GRIK3: variants seen among roughly 807,000 people sequenced by gnomAD.
GRIK3 encodes glutamate ionotropic receptor kainate type subunit 3, also known as glutamate receptor ionotropic, kainate 3.
Under a neutral mutation model 102.5 loss-of-function variants are expected in GRIK3, and 29 were observed. The observed-to-expected ratio is 0.28, with a 90% CI of 0.21 to 0.39. GRIK3 has a LOEUF of 0.39. GRIK3 is among the 10% of genes least tolerant of loss of function. The probability of loss-of-function intolerance (pLI) is 1.00; values close to 1 mark genes in which losing one functional copy is unlikely to be tolerated. For missense variants in GRIK3, 908 were observed against 1,252.4 expected, an observed-to-expected ratio of 0.73 and a Z score of 4.15; for synonymous variants, 511 against 504.9, an observed-to-expected ratio of 1.01 and a Z score of -0.16.
At chr1:36,873,431 T>C (rs1316171250) in intron 3 of GRIK3, among the ~76,000 whole-genome samples, 1 of 152,184 alleles carries the variant, frequency 6.6e-6, no homozygotes, top group Non-Finnish European at 1.5e-5. Context: ...GGTCCATTTT[T>C]GCTGACTTCT....
intron 5 of GRIK3, among the ~76,000 whole-genome samples, chr1:36,861,211 G>A (rs1178236720): frequency 1.5e-4 from 23 of 152,136 alleles, no homozygotes; most frequent in Admixed American, 1.1e-3. Context: ...CATCTCTGAC[G>A]CATGTTCCTT....
chr1:36,961,430 A>C lies in GRIK3; in HGVS notation c.116-70334T>G, dbSNP rs569642118. Among the ~76,000 whole-genome samples the C allele has an allele frequency of 2.6e-5, 4 of 152,326 alleles. No homozygotes were observed. In the South Asian group the frequency reaches 8.3e-4, roughly 32 times the overall value. The stretch of plus-strand genomic sequence containing the variant: ...AAAAAGCAGAAGAGAGAGGACGAGG[A>C]CAGTGGTAGAAAGAGAGACAGCCAG... On this transcript the variant is annotated intron_variant, in intron 1 of 15. Coordinates refer to ENST00000373091, the MANE Select transcript of GRIK3 (RefSeq NM_000831.4).
intron 5 of GRIK3, among the ~76,000 whole-genome samples, chr1:36,865,484 A>G (rs540248006): frequency 2.4e-4 from 36 of 152,336 alleles, no homozygotes; most frequent in African/African-American, 8.4e-4. Flanking sequence ...GGCCTCGGCA[A>G]CAGGGCCGGA....
In GRIK3 at chr1:36,899,164, A is replaced by G. The variant is rs553156274; in HGVS notation, c.116-8068T>C. Among the ~76,000 whole-genome samples, 13 of 152,326 alleles carry G rather than the reference A, an allele frequency of 8.5e-5. No individual in the cohort carries two copies. In the East Asian group the frequency reaches 2.3e-3, roughly 27 times the overall value. On this transcript the variant is annotated intron_variant, in intron 1 of 15. Coordinates refer to ENST00000373091, the MANE Select transcript of GRIK3 (RefSeq NM_000831.4). Reference sequence around the variant, plus strand: ...ATGACACCAAAGGCACAGACAAGAAAAGAAAGACAAATTGAGCTTAATAAA... The same window carrying G: ...ATGACACCAAAGGCACAGACAAGAAGAGAAAGACAAATTGAGCTTAATAAA...
chr1:37,007,750 G>A (rs982103280), intron 1 of GRIK3, among the ~76,000 whole-genome samples: 1 of 152,224 alleles, frequency 6.6e-6, no homozygotes, highest in African/African-American at 2.4e-5. Flanking sequence ...GAAGAATGGT[G>A]ATCCCGCAAA....
intron 1 of GRIK3, among the ~76,000 whole-genome samples, chr1:36,979,655 C>G (rs1642230171): frequency 6.6e-6 from 1 of 152,196 alleles, no homozygotes; most frequent in East Asian, 1.9e-4. Context: ...ATCCAGAGTT[C>G]TTCTCTTGGG....
chr1:36,957,776 G>A (rs1298059851), intron 1 of GRIK3, among the ~76,000 whole-genome samples: 4 of 147,314 alleles, frequency 2.7e-5, no homozygotes, highest in South Asian at 2.2e-4. Flanking sequence ...TGTGTCCCAT[G>A]AGTCTGTGCC....
At chr1:36,892,255 G>A (rs1641126091) in intron 1 of GRIK3, among the ~76,000 whole-genome samples, 1 of 152,160 alleles carries the variant, frequency 6.6e-6, no homozygotes, top group Non-Finnish European at 1.5e-5. Flanking sequence ...TTGACCTCAG[G>A]TGAGCCACCT....
chr1:36,903,173 A>G (rs1301339500), intron 1 of GRIK3, among the ~76,000 whole-genome samples: 1 of 152,230 alleles, frequency 6.6e-6, no homozygotes, highest in Non-Finnish European at 1.5e-5. Flanking sequence ...AAGTGGGCCA[A>G]AGACCTTAAC....
intron 1 of GRIK3, among the ~76,000 whole-genome samples, chr1:36,951,382 A>G (rs995143118): frequency 6.6e-6 from 1 of 152,236 alleles, no homozygotes; most frequent in Non-Finnish European, 1.5e-5. Context: ...ATGTGGAAGA[A>G]GGGACAGCAG....
rs529734593 is a variant in GRIK3, at chr1:36,971,686, G to C, written c.115+62308C>G. 4.6e-5 allele frequency among the ~76,000 whole-genome samples: 7 copies of C among 152,264 alleles called. No individual in the cohort carries two copies. The South Asian group carries it at 1.5e-3, about 32-fold the overall frequency. The stretch of plus-strand genomic sequence containing the variant: ...AGAACCTTGCCCCAATCCCAGGGAG[G>C]CTTCTGGGTGGCCTTCGGCAGCTCT... On this transcript the variant is annotated intron_variant, in intron 1 of 15. Transcript: ENST00000373091.
At chr1:36,889,757 G>A (rs769533721) in intron 2 of GRIK3, among the ~76,000 whole-genome samples, 1 of 152,134 alleles carries the variant, frequency 6.6e-6, no homozygotes, top group Non-Finnish European at 1.5e-5. Context: ...CTGAATCACA[G>A]GTGTACCACT....
chr1:36,965,910 T>C (rs777803155), intron 1 of GRIK3, among the ~76,000 whole-genome samples: 1 of 152,216 alleles, frequency 6.6e-6, no homozygotes, highest in Non-Finnish European at 1.5e-5. Flanking sequence ...GGGGCTCCCA[T>C]GCTCCCGCCA....
At chr1:36,942,771 C>T (rs1398686307) in intron 1 of GRIK3, among the ~76,000 whole-genome samples, 4 of 152,110 alleles carry the variant, frequency 2.6e-5, no homozygotes, top group South Asian at 2.1e-4. Flanking sequence ...GGCCAAACCC[C>T]GCCCCCATGG....
intron 2 of GRIK3, among the ~76,000 whole-genome samples, chr1:36,888,164 T>C (rs1206549183): frequency 6.6e-6 from 1 of 151,758 alleles, no homozygotes; most frequent in Non-Finnish European, 1.5e-5. Context: ...AAAAGTGAAA[T>C]GGATTTGTTT....
At chr1:36,873,232 A>G (rs1035899692) in intron 3 of GRIK3, among the ~76,000 whole-genome samples, 1 of 152,102 alleles carries the variant, frequency 6.6e-6, no homozygotes. Flanking sequence ...AAAAGTTTCC[A>G]TAATTGGACT....
At chr1:37,019,508 T>A (rs1290518568) in intron 1 of GRIK3, among the ~76,000 whole-genome samples, 1 of 152,180 alleles carries the variant, frequency 6.6e-6, no homozygotes. Context: ...CATACTGAAA[T>A]GTTCAAGGAA....
chr1:36,913,722 G>A (rs1641370738), intron 1 of GRIK3, among the ~76,000 whole-genome samples: 1 of 152,062 alleles, frequency 6.6e-6, no homozygotes, highest in Non-Finnish European at 1.5e-5. Flanking sequence ...TCACAGCAGG[G>A]CCTTTGGCTT....
At chr1:37,000,666 G>C (rs1642467963) in intron 1 of GRIK3, among the ~76,000 whole-genome samples, 1 of 152,190 alleles carries the variant, frequency 6.6e-6, no homozygotes, top group African/African-American at 2.4e-5. Context: ...GGGAGTTGCA[G>C]TGACTTGTTA....
Sources: gnomAD v4.1 joint callset for allele counts (sites outside exome capture counted in the v4.1 genomes callset) on GRCh38, gnomAD v4.1.1 for gene constraint, MANE v1.5 for transcripts, NCBI Gene and HGNC (gene_info 2026-07-23, HGNC 2026-07-21) for gene names.